Variants in DAB1 observed in about 807,000 individuals in gnomAD.
DAB1 encodes DAB adaptor protein 1.
DAB1 carries 15 observed loss-of-function variants against 64.6 expected under a neutral mutation model. The ratio of observed to expected loss-of-function variants is 0.23; its 90% CI spans 0.16 to 0.36. DAB1 has a LOEUF of 0.36. Ranked by LOEUF, DAB1 falls within the 10% of genes least tolerant of loss-of-function variation. The pLI, the probability that DAB1 is intolerant of heterozygous loss-of-function variation, is 1.00. For synonymous variants in DAB1, 235 were observed against 251.9 expected (o/e 0.93, Z 0.64); for missense variants, 596 against 706.7 (o/e 0.84, Z 1.78).
intron 5 of DAB1, among the ~76,000 whole-genome samples, chr1:58,074,821 T>G (rs1333756781): frequency 6.6e-6 from 1 of 151,898 alleles, no homozygotes; most frequent in Non-Finnish European, 1.5e-5. Flanking sequence ...TTTAGGGAGA[T>G]AAGGAAAGGC....
intron 5 of DAB1, among the ~76,000 whole-genome samples, chr1:58,042,702 A>G (rs1006059896): frequency 1.3e-5 from 2 of 152,222 alleles, no homozygotes; most frequent in African/African-American, 4.8e-5. Flanking sequence ...ATGGAAGCAT[A>G]AAAGAGCATA....
intron 7 of DAB1, among the ~76,000 whole-genome samples, chr1:57,606,502 T>TAC (rs1645641467): frequency 1.0e-5 from 1 of 98,772 alleles, no homozygotes; most frequent in African/African-American, 4.8e-5. Flanking sequence ...AAATATATAA[T>TAC]ATATAATATA....
chr1:57,100,602 T>C (rs1207324174), intron 4 of DAB1, among the ~76,000 whole-genome samples: 2 of 152,078 alleles, frequency 1.3e-5, no homozygotes, highest in Non-Finnish European at 2.9e-5. Flanking sequence ...GAGAAAAAAA[T>C]GTTAAAGTCA....
At chr1:58,138,671 T>G (rs78665152) in intron 5 of DAB1, among the ~76,000 whole-genome samples, 1 of 152,088 alleles carries the variant, frequency 6.6e-6, no homozygotes, top group Non-Finnish European at 1.5e-5. Context: ...AGAAAAACAA[T>G]GCAATAAAGT....
intron 5 of DAB1, among the ~76,000 whole-genome samples, chr1:58,147,322 A>AAAAAGT (rs1654654836): frequency 6.9e-6 from 1 of 144,890 alleles, no homozygotes; most frequent in South Asian, 2.2e-4. Context: ...AAAAAAAAAA[A>AAAAAGT]AAAAAGTACA....
intron 1 of DAB1, among the ~76,000 whole-genome samples, chr1:57,395,937 G>A (rs1215682522): frequency 6.6e-6 from 1 of 152,170 alleles, no homozygotes; most frequent in Non-Finnish European, 1.5e-5. Context: ...CCAAGGACTG[G>A]CAAATATAGC....
At chr1:58,091,672 C>G (rs1650664740) in intron 5 of DAB1, among the ~76,000 whole-genome samples, 1 of 152,182 alleles carries the variant, frequency 6.6e-6, no homozygotes, top group African/African-American at 2.4e-5. Flanking sequence ...TAATCCTTCA[C>G]TCACATCCTG....
At chr1:57,193,736 T>C (rs1664376568) in intron 2 of DAB1, among the ~76,000 whole-genome samples, 1 of 152,208 alleles carries the variant, frequency 6.6e-6, no homozygotes, top group South Asian at 2.1e-4. Context: ...TATTTCCAAA[T>C]TTCCACTTTT....
At chr1:57,648,303 C>A (rs954887720) in intron 7 of DAB1, among the ~76,000 whole-genome samples, 1 of 152,076 alleles carries the variant, frequency 6.6e-6, no homozygotes. Flanking sequence ...AAGGAGGAGG[C>A]GAGTGTCCCC....
intron 4 of DAB1, among the ~76,000 whole-genome samples, chr1:58,210,255 C>T (rs964321292): frequency 6.6e-6 from 1 of 152,076 alleles, no homozygotes; most frequent in African/African-American, 2.4e-5. Context: ...ACATGTTTTC[C>T]CACTAGGGAG....
At chr1:57,197,060 G>C (rs1200630876) in intron 2 of DAB1, among the ~76,000 whole-genome samples, 1 of 152,200 alleles carries the variant, frequency 6.6e-6, no homozygotes, top group African/African-American at 2.4e-5. Context: ...ACTTGGCCAG[G>C]CGCCGTGGCT....
intron 1 of DAB1, among the ~76,000 whole-genome samples, chr1:57,868,387 T>C (rs1654394531): frequency 6.6e-6 from 1 of 152,154 alleles, no homozygotes; most frequent in African/African-American, 2.4e-5. Flanking sequence ...ATTTTCCTGT[T>C]GTCACTTCTG....
At chr1:57,204,470 A>G (rs61765584) in intron 2 of DAB1, among the ~76,000 whole-genome samples, 1 of 141,048 alleles carries the variant, frequency 7.1e-6, no homozygotes, top group Admixed American at 7.1e-5. Context: ...AAAAAAAAAA[A>G]GGACTTGTAT....
chr1:57,443,893 G>A (rs1293889367), intron 7 of DAB1, among the ~76,000 whole-genome samples: 1 of 152,186 alleles, frequency 6.6e-6, no homozygotes, highest in Non-Finnish European at 1.5e-5. Flanking sequence ...ATTAGTCACA[G>A]TAGCAGTTTA....
At chr1:57,546,099 G>GTGCA (rs1558480086) in intron 7 of DAB1, among the ~76,000 whole-genome samples, 3 of 132,718 alleles carry the variant, frequency 2.3e-5, no homozygotes, top group African/African-American at 7.7e-5. Context: ...GTGTGTGTGT[G>GTGCA]CGCGCACGTG....
chr1:58,280,353 A>G (rs1308795055), intron 4 of DAB1, among the ~76,000 whole-genome samples: 1 of 152,208 alleles, frequency 6.6e-6, no homozygotes, highest in Non-Finnish European at 1.5e-5. Context: ...GCAGCCTAGC[A>G]TGGGGATCAT....
rs147775241 is a variant in DAB1, at chr1:57,036,029, G to C, written c.724-9986C>G. 6.8e-3 allele frequency among the ~76,000 whole-genome samples: 1,030 copies of C among 151,800 alleles called. 25 individuals carry two copies. Among genetic ancestry groups the C allele is most frequent in the East Asian group, 0.039 (201 of 5,148 alleles). ...GGCTAATTTTTGTATTTTTAGTAGA[G>C]ACGGGGTTTTGCCAGTTTGGCCAGG... On this transcript the variant is annotated intron_variant, in intron 9 of 14. Transcript: ENST00000371236.
At chr1:58,267,953 T>C (rs912756921) in intron 4 of DAB1, among the ~76,000 whole-genome samples, 2 of 152,074 alleles carry the variant, frequency 1.3e-5, no homozygotes, top group Non-Finnish European at 2.9e-5. Flanking sequence ...TTTATGGCCA[T>C]ATCTGTCTAT....
rs1015569656 is a variant in DAB1 at position 58,176,334 on chromosome 1, T to C, written n.310-25746A>G. On this transcript the variant is annotated intron_variant and non_coding_transcript_variant, in intron 4 of 20. Transcript: ENST00000485760. ...GATAAAGCTTCCCTGGGATCAGTCA[T>C]GTAAAAAAAATAGGTTTAATCCTTT... Among the ~76,000 whole-genome samples the C allele has an allele frequency of 3.3e-5, 5 of 152,142 alleles. No individual in the cohort carries two copies. In the East Asian group the frequency reaches 5.8e-4, roughly 18 times the overall value.
Sources: allele counts gnomAD v4.1 joint callset (sites outside exome capture counted in the v4.1 genomes callset), GRCh38; gene constraint gnomAD v4.1.1; transcripts MANE v1.5; gene names NCBI Gene and HGNC (gene_info 2026-07-23, HGNC 2026-07-21).